Variants in PATL1 observed in about 807,000 individuals in gnomAD.
PATL1 encodes protein PAT1 homolog 1.
A neutral mutation model predicts 100.6 loss-of-function variants in PATL1; 32 were observed. That is an observed-to-expected ratio of 0.32 (90% CI 0.24 to 0.43). PATL1 has a LOEUF of 0.43. Ranked by LOEUF, PATL1 falls within the 20% of genes least tolerant of loss-of-function variation. PATL1 has a pLI of 1.00. For synonymous variants in PATL1, 332 were observed against 330.0 expected (o/e 1.01, Z -0.07); for missense variants, 747 against 949.9 (o/e 0.79, Z 2.81).
Position 59,637,964 on chromosome 11 carries a change from A to C in PATL1, c.*426T>G, listed in dbSNP as rs753289025. ...GTGTGTATATCTTGATTTCTACTTA[A>C]TTGGCTCTTCTATAGTCATATTAAT... On this transcript the variant is annotated 3_prime_UTR_variant, in exon 19 of 19. Coordinates refer to ENST00000300146, the MANE Select transcript of PATL1 (RefSeq NM_152716.3). 1.5e-5 allele frequency: 3 copies of C among 194,010 alleles called. No homozygotes were observed. The highest frequency in any genetic ancestry group is 5.3e-5 in the Admixed American group (1 of 18,798). The allele number at this position is 194,010 out of a possible 1,614,324, so 12.0% of individuals were successfully genotyped here.
rs751227797 is a variant in PATL1 at position 59,652,888 on chromosome 11, T to A, written c.1252A>T (p.Met418Leu). The A allele has an allele frequency of 1.2e-6, 2 of 1,613,996 alleles. No homozygotes were observed. The highest frequency in any genetic ancestry group is 2.2e-5 in the South Asian group (2 of 91,082). The change falls in exon 10 of 19, where the codon ATG (methionine) becomes TTG (leucine). Residue 418 changes from methionine to leucine, a missense_variant. Transcript: ENST00000300146. ...REKDWVSKIQ[M>L]MQLQSTDPYL... is the part of the protein sequence containing the mutation. ...GGATCAGTGCTTTGCAGTTGCATCA[T>A]CTGGATTTTAGAGACCCAATCCTTT...
At chr11:59,665,626 T>C (rs969967433) in intron 2 of PATL1, among the ~76,000 whole-genome samples, 1 of 151,838 alleles carries the variant, frequency 6.6e-6, no homozygotes. Flanking sequence ...GGAGAAACCC[T>C]GTCTCTACTA....
At chr11:59,668,832 G>A (rs929945983) in intron 1 of PATL1, 49 bp downstream of exon 1, 2 of 1,189,668 alleles carry the variant, frequency 1.7e-6, no homozygotes, top group African/African-American at 1.6e-5. Flanking sequence ...GAGTGAGGGA[G>A]AGGGGCGCGG....
chr11:59,652,405 C>G (rs1363667803), intron 11 of PATL1, 59 bp downstream of exon 11: 1 of 1,549,322 alleles, frequency 6.5e-7, no homozygotes, highest in Non-Finnish European at 8.7e-7. Flanking sequence ...TATATTTAAT[C>G]ACATCAGCAG....
rs757097886 is a variant in PATL1 at position 59,642,937 on chromosome 11, T to C, written c.1992A>G (p.Gln664=). ...TGGAGAGTGCTGGTGTAGCTGCACT[T>C]TGAGGTAGGTTCATTAGCTGTCGCA... The part of the protein sequence containing the change: ...SLLRQLMNLP[Q]SAATPALSNP... Residue 664 remains glutamine, a synonymous_variant, in exon 16 of 19, where the codon CAA becomes CAG. Coordinates refer to ENST00000300146, the MANE Select transcript of PATL1 (RefSeq NM_152716.3). 1.4e-5 allele frequency: 22 copies of C among 1,613,900 alleles called. No individual in the cohort carries two copies. The highest frequency in any genetic ancestry group is 1.9e-5 in the Non-Finnish European group (22 of 1,179,838).
chr11:59,646,443 C>T (rs1861367286), intron 15 of PATL1, among the ~76,000 whole-genome samples: 1 of 152,180 alleles, frequency 6.6e-6, no homozygotes, highest in South Asian at 2.1e-4. Context: ...GCCTCAGCCT[C>T]CCAAAGTGTT....
chr11:59,644,978 T>C (rs1364422324), intron 15 of PATL1, among the ~76,000 whole-genome samples: 1 of 147,614 alleles, frequency 6.8e-6, no homozygotes, highest in East Asian at 2.0e-4. Flanking sequence ...ATTAATGGGT[T>C]CAGGTGTTGC....
Position 59,638,930 on chromosome 11 carries a change from T to C in PATL1, c.2291+118A>G, listed in dbSNP as rs1861232329. ...ACTCCTGGCCTCAAGTGATCCACCCTCCTGGGTGTCCTAAAATGCTGGGAT... is the reference window on the plus strand; with the variant it reads ...ACTCCTGGCCTCAAGTGATCCACCCCCCTGGGTGTCCTAAAATGCTGGGAT... On this transcript the variant is annotated intron_variant, in intron 18 of 18. Coordinates refer to ENST00000300146, the MANE Select transcript of PATL1 (RefSeq NM_152716.3). The C allele has an allele frequency of 6.9e-6, 8 of 1,165,296 alleles. No homozygotes were observed. In the South Asian group the frequency reaches 1.2e-4, roughly 18 times the overall value. The allele number at this position is 1,165,296 out of a possible 1,614,324, so 72.2% of individuals were successfully genotyped here.
chr11:59,659,161 C>A, intron 3 of PATL1, 91 bp downstream of exon 3: 1 of 1,153,018 alleles, frequency 8.7e-7, no homozygotes, highest in South Asian at 1.4e-5. Context: ...GTAAATCTCT[C>A]ATTATAATAG....
chr11:59,639,252 C>T (rs1246791157), intron 17 of PATL1, 40 bp downstream of exon 17: 2 of 1,581,228 alleles, frequency 1.3e-6, no homozygotes, highest in Non-Finnish European at 1.7e-6. Context: ...AAGATTACCT[C>T]AAAGAACTTA....
At chr11:59,648,304 G>C (rs1216710890) in intron 14 of PATL1, among the ~76,000 whole-genome samples, 1 of 148,430 alleles carries the variant, frequency 6.7e-6, no homozygotes, top group East Asian at 2.0e-4. Flanking sequence ...TCCTGCCTCA[G>C]TCTCCTGAGC....
chr11:59,638,742 G>A (rs931905901), intron 18 of PATL1, among the ~76,000 whole-genome samples: 7 of 151,950 alleles, frequency 4.6e-5, no homozygotes, highest in African/African-American at 1.2e-4. Context: ...GTGCAGTGGC[G>A]TGATCTCAGC....
chr11:59,653,941 A>T (rs1327952562), intron 9 of PATL1, 42 bp downstream of exon 9: 1 of 1,528,254 alleles, frequency 6.5e-7, no homozygotes, highest in South Asian at 1.1e-5. Context: ...TAAAATTAAA[A>T]GCTGAATTAA....
At position 59,638,313 on chromosome 11, in the gene PATL1, A is replaced by G. The variant is rs1269468782; in HGVS notation, c.*77T>C. 1.4e-6 allele frequency: 2 copies of G among 1,472,776 alleles called. No individual in the cohort carries two copies. Among genetic ancestry groups the G allele is most frequent in the Non-Finnish European group, 1.9e-6 (2 of 1,059,276 alleles). 91.2% of individuals were successfully genotyped at this position (1,472,776 alleles called of 1,614,324 possible). A position where few individuals can be genotyped will look rare whatever the true frequency, so the allele number is the denominator to read the frequency against. ...GGGAAAAAGCTACCTTCCTTCCCTC[A>G]TTAAAAACACTCCATTGGTGATGGC... On this transcript the variant is annotated 3_prime_UTR_variant, in exon 19 of 19. Coordinates refer to ENST00000300146, the MANE Select transcript of PATL1 (RefSeq NM_152716.3).
chr11:59,653,658 T>G (rs946949748), intron 9 of PATL1, among the ~76,000 whole-genome samples: 1 of 152,226 alleles, frequency 6.6e-6, no homozygotes, highest in African/African-American at 2.4e-5. Context: ...TCTTCCTTCA[T>G]AGAGGAACCA....
Position 59,651,878 on chromosome 11 carries a change from A to G in PATL1, c.1427-237T>C, listed in dbSNP as rs564591662. On this transcript the variant is annotated intron_variant, in intron 11 of 18. Transcript: ENST00000300146. ...CCAGGAGTCCGAGACCAGCCTGGCCAACATAGCGAAACCCCGTCTCTACTA... is the reference window on the plus strand; with the variant it reads ...CCAGGAGTCCGAGACCAGCCTGGCCGACATAGCGAAACCCCGTCTCTACTA... Among the ~76,000 whole-genome samples the G allele has an allele frequency of 4.6e-5, 7 of 151,950 alleles. No individual in the cohort carries two copies. In the East Asian group the frequency reaches 7.8e-4, roughly 17 times the overall value.
chr11:59,666,517 C>T (rs1309780183), intron 2 of PATL1, among the ~76,000 whole-genome samples: 1 of 152,108 alleles, frequency 6.6e-6, no homozygotes, highest in Admixed American at 6.5e-5. Context: ...AATAAAAATT[C>T]CTCTCATCTA....
intron 14 of PATL1, among the ~76,000 whole-genome samples, chr11:59,648,324 T>A (rs1861393016): frequency 6.6e-6 from 1 of 151,402 alleles, no homozygotes; most frequent in African/African-American, 2.4e-5. Context: ...CAGCCGGGAT[T>A]ATAGATGCCC....
At position 59,639,081 on chromosome 11, in the gene PATL1, C is replaced by T. The variant is rs1332685778; in HGVS notation, c.2258G>A (p.Arg753Gln). The change falls in exon 18 of 19, where the codon CGG becomes CAG. Residue 753 changes from arginine to glutamine, a missense_variant. Physicochemically the swap from Arg to Gln is conservative, Grantham distance 43. Transcript: ENST00000300146. ...LVSLFSRYVD[R>Q]QKLNLLETKL... is the part of the protein sequence containing the mutation. The stretch of plus-strand genomic sequence containing the variant: ...TGTCTCCAGCAAGTTCAGTTTCTGC[C>T]GGTCAACATAGCGAGAAAAGAGGGA... 7 of 1,613,684 alleles carry T rather than the reference C, an allele frequency of 4.3e-6. No individual in the cohort carries two copies. Among genetic ancestry groups the T allele is most frequent in the African/African-American group, 4.0e-5 (3 of 74,894 alleles).
Sources: allele counts gnomAD v4.1 joint callset (sites outside exome capture counted in the v4.1 genomes callset), GRCh38; gene constraint gnomAD v4.1.1; transcripts MANE v1.5; gene names NCBI Gene and HGNC (gene_info 2026-07-23, HGNC 2026-07-21).